LUZP2: variants seen among roughly 807,000 people sequenced by gnomAD.
LUZP2 encodes leucine zipper protein 2.
A neutral mutation model predicts 51.6 loss-of-function variants in LUZP2; 52 were observed. The observed-to-expected ratio is 1.01, with a 90% CI of 0.81 to 1.27. The LOEUF (loss-of-function observed/expected upper bound fraction) is 1.27. Ranked by LOEUF, LUZP2 falls within the 50% of genes most tolerant of loss-of-function variation. The pLI is 0.00. For missense variants in LUZP2, 436 were observed against 395.4 expected (o/e 1.10, Z -0.87); for synonymous variants, 154 against 137.3 (o/e 1.12, Z -0.85).
intron 7 of LUZP2, among the ~76,000 whole-genome samples, chr11:24,948,616 C>G (rs1170775874): frequency 6.6e-6 from 1 of 151,642 alleles, no homozygotes; most frequent in African/African-American, 2.4e-5. Flanking sequence ...TATGATATGA[C>G]AACAAGAAAC....
chr11:24,750,348 A>G (rs1859532837), intron 4 of LUZP2, among the ~76,000 whole-genome samples: 1 of 152,220 alleles, frequency 6.6e-6, no homozygotes, highest in South Asian at 2.1e-4. Flanking sequence ...CCCTATGAAT[A>G]CTGCATCATT....
rs77424197 is a variant in LUZP2 at position 24,557,418 on chromosome 11, C to T, written c.62+60113C>T. On this transcript the variant is annotated intron_variant, in intron 1 of 11. Coordinates refer to ENST00000336930, the MANE Select transcript of LUZP2 (RefSeq NM_001009909.4). ...AGTAAAATTATTGCCATATGTACAGCAGTTTCTTGGTTATGATTACACTTA... is the reference window on the plus strand; with the variant it reads ...AGTAAAATTATTGCCATATGTACAGTAGTTTCTTGGTTATGATTACACTTA... 7.1e-3 allele frequency among the ~76,000 whole-genome samples: 1,080 copies of T among 152,196 alleles called. 15 individuals carry two copies. Among genetic ancestry groups the T allele is most frequent in the African/African-American group, 0.025 (1,037 of 41,516 alleles).
chr11:24,976,258 T>A (rs1380115832), intron 7 of LUZP2, among the ~76,000 whole-genome samples: 1 of 151,902 alleles, frequency 6.6e-6, no homozygotes, highest in Non-Finnish European at 1.5e-5. Flanking sequence ...TAAAATTCAG[T>A]CTATATCAAC....
chr11:24,606,297 T>C (rs569787132), intron 1 of LUZP2, among the ~76,000 whole-genome samples: 8 of 152,104 alleles, frequency 5.3e-5, no homozygotes, highest in African/African-American at 1.7e-4. Context: ...TTATTATATA[T>C]TACTATAAAA....
In LUZP2 at chr11:24,965,460, A is replaced by G. The variant is rs1489620897; in HGVS notation, c.523-11131A>G. On this transcript the variant is annotated intron_variant, in intron 7 of 11. Transcript: ENST00000336930. ...TCAACAAAATTTGATAGCCATTGAA[A>G]TCAATGTGTTTGTGCTTTAATAACT... Among the ~76,000 whole-genome samples the G allele has an allele frequency of 4.0e-5, 6 of 151,616 alleles. 1 individual carries two copies. The highest frequency in any genetic ancestry group is 3.9e-4 in the Admixed American group (6 of 15,208).
intron 8 of LUZP2, among the ~76,000 whole-genome samples, chr11:24,981,457 T>C (rs1179941484): frequency 6.6e-6 from 1 of 151,712 alleles, no homozygotes; most frequent in Non-Finnish European, 1.5e-5. Context: ...TTTGGCTGGT[T>C]TCTTGACTGT....
At chr11:24,528,595 GTCTGAGGACATGC>G (rs1435981573) in intron 1 of LUZP2, among the ~76,000 whole-genome samples, 4 of 151,218 alleles carry the variant, frequency 2.6e-5, no homozygotes, top group Non-Finnish European at 4.4e-5. Flanking sequence ...CCAGTGACTT[GTCTGAGGACATGC>G]TCACTCTTCA....
chr11:25,073,852 G>C (rs1350968983), intron 10 of LUZP2, among the ~76,000 whole-genome samples: 1 of 152,224 alleles, frequency 6.6e-6, no homozygotes, highest in Admixed American at 6.5e-5. Context: ...AGAAAAAAAG[G>C]AACGATCACT....
intron 9 of LUZP2, among the ~76,000 whole-genome samples, chr11:24,989,636 A>G (rs1436141402): frequency 1.3e-5 from 2 of 152,038 alleles, no homozygotes; most frequent in East Asian, 3.9e-4. Flanking sequence ...TTTCTTTCCT[A>G]TATCTTTCAG....
chr11:24,828,079 G>A (rs1039254082), intron 5 of LUZP2, among the ~76,000 whole-genome samples: 2 of 151,510 alleles, frequency 1.3e-5, no homozygotes, highest in Non-Finnish European at 2.9e-5. Context: ...ACACACACAC[G>A]CACAAAAGAA....
At chr11:24,618,799 A>G (rs1490679130) in intron 1 of LUZP2, among the ~76,000 whole-genome samples, 1 of 152,104 alleles carries the variant, frequency 6.6e-6, no homozygotes, top group Non-Finnish European at 1.5e-5. Context: ...AAACAGGGAC[A>G]AGGACCTCTA....
At chr11:24,552,224 A>G (rs560523886) in intron 1 of LUZP2, among the ~76,000 whole-genome samples, 1 of 152,146 alleles carries the variant, frequency 6.6e-6, no homozygotes, top group Non-Finnish European at 1.5e-5. Flanking sequence ...ATCACAATCA[A>G]ATTAGTGTTT....
chr11:24,942,208 T>G (rs944605175), intron 7 of LUZP2, among the ~76,000 whole-genome samples: 1 of 152,188 alleles, frequency 6.6e-6, no homozygotes, highest in African/African-American at 2.4e-5. Context: ...ACACAAAATT[T>G]TATTTTGTTC....
rs182347911 is a variant in LUZP2 at position 24,711,437 on chromosome 11, G to T, written c.63-17732G>T. Among the ~76,000 whole-genome samples the T allele has an allele frequency of 4.7e-5, 7 of 148,160 alleles. No homozygotes were observed. In the East Asian group the frequency reaches 1.4e-3, roughly 29 times the overall value. Reference sequence around the variant, plus strand: ...TGCACTCCAGCCTGGGCGACAGAGCGAGACTCCATCTCAAAATAAATAAAT... The same window carrying T: ...TGCACTCCAGCCTGGGCGACAGAGCTAGACTCCATCTCAAAATAAATAAAT... On this transcript the variant is annotated intron_variant, in intron 1 of 11. Transcript: ENST00000336930.
chr11:24,714,090 C>G (rs967461054), intron 1 of LUZP2, among the ~76,000 whole-genome samples: 1 of 151,824 alleles, frequency 6.6e-6, no homozygotes, highest in Non-Finnish European at 1.5e-5. Flanking sequence ...ATAGCATTTA[C>G]ACATTGTATT....
At chr11:24,675,913 G>A (rs914901526) in intron 1 of LUZP2, among the ~76,000 whole-genome samples, 4 of 151,850 alleles carry the variant, frequency 2.6e-5, no homozygotes, top group Admixed American at 6.6e-5. Context: ...CCCCCTCCCG[G>A]GTTGAAGTGA....
chr11:25,068,019 C>G (rs1859046213), intron 10 of LUZP2, among the ~76,000 whole-genome samples: 1 of 151,962 alleles, frequency 6.6e-6, no homozygotes, highest in South Asian at 2.1e-4. Flanking sequence ...TTTGCAGGAA[C>G]ATAGATGAAG....
chr11:24,866,773 G>A (rs1300647385), intron 5 of LUZP2, among the ~76,000 whole-genome samples: 1 of 152,192 alleles, frequency 6.6e-6, no homozygotes, highest in Non-Finnish European at 1.5e-5. Context: ...TGTGACATTT[G>A]TGCTAGACTT....
At chr11:24,937,804 G>C (rs994566505) in intron 7 of LUZP2, among the ~76,000 whole-genome samples, 3 of 151,962 alleles carry the variant, frequency 2.0e-5, no homozygotes, top group Non-Finnish European at 4.4e-5. Flanking sequence ...GGGAGGCTGA[G>C]GCAGGAAAAT....
Sources: allele counts gnomAD v4.1 joint callset (sites outside exome capture counted in the v4.1 genomes callset), GRCh38; gene constraint gnomAD v4.1.1; transcripts MANE v1.5; gene names NCBI Gene and HGNC (gene_info 2026-07-23, HGNC 2026-07-21).